Variants in NUDCD3 observed in about 807,000 individuals in gnomAD.
NUDCD3 encodes the protein nudC domain-containing protein 3.
A neutral mutation model predicts 39.7 loss-of-function variants in NUDCD3; 13 were observed. The ratio of observed to expected loss-of-function variants is 0.33; its 90% CI spans 0.21 to 0.52. The LOEUF (loss-of-function observed/expected upper bound fraction) is 0.52. NUDCD3 is among the 20% of genes least tolerant of loss of function. The probability of loss-of-function intolerance (pLI) is 0.96; values close to 1 mark genes in which losing one functional copy is unlikely to be tolerated. For synonymous variants in NUDCD3, 175 were observed against 172.4 expected, an observed-to-expected ratio of 1.02 and a Z score of -0.12; for missense variants, 453 against 458.1, an observed-to-expected ratio of 0.99 and a Z score of 0.10.
At chr7:44,451,888 AAAAAC>A (rs1388275308) in intron 2 of NUDCD3, among the ~76,000 whole-genome samples, 1 of 152,156 alleles carries the variant, frequency 6.6e-6, no homozygotes, top group African/African-American at 2.4e-5. Context: ...ACCTGAGAGA[AAAAAC>A]AAAACAAAGT....
intron 2 of NUDCD3, among the ~76,000 whole-genome samples, chr7:44,444,542 A>G (rs1432623690): frequency 6.6e-6 from 1 of 152,210 alleles, no homozygotes; most frequent in Non-Finnish European, 1.5e-5. Flanking sequence ...AGAATCTTAC[A>G]CTAAGTCCTT....
intron 3 of NUDCD3, among the ~76,000 whole-genome samples, chr7:44,416,646 C>G (rs183796457): frequency 6.6e-6 from 1 of 152,202 alleles, no homozygotes; most frequent in Non-Finnish European, 1.5e-5. Context: ...ATTAGGTCAG[C>G]GAGCATCACA....
In NUDCD3 at chr7:44,485,080, C is replaced by G; in HGVS notation, c.397G>C (p.Val133Leu). Residue 133 changes from valine (V) to leucine (L), a missense_variant, in exon 2 of 6, where the codon GTG becomes CTG. Physicochemically the swap from Val to Leu is conservative, Grantham distance 32 (BLOSUM62 1). Coordinates refer to ENST00000355451, the MANE Select transcript of NUDCD3 (RefSeq NM_015332.4). ...TCCTTCACAGGGCCTGGAGGCTGCA[C>G]TTTCTCTACTTCCTGATGCCCATCC... is the stretch of plus-strand genomic sequence containing the variant. ...ELDGHQEVEK[V>L]QPPGPVKEMA... 1 of 1,614,186 alleles carries G rather than the reference C, an allele frequency of 6.2e-7. No individual in the cohort carries two copies. The highest frequency in any genetic ancestry group is 8.5e-7 in the Non-Finnish European group (1 of 1,180,018).
intron 5 of NUDCD3, among the ~76,000 whole-genome samples, chr7:44,386,660 G>C (rs1798408105): frequency 1.3e-5 from 2 of 152,222 alleles, no homozygotes. Flanking sequence ...ATGTGGCACG[G>C]AGGAAGAAAC....
At position 44,382,540 on chromosome 7, in the gene NUDCD3, C is replaced by T. The variant is rs1798322797; in HGVS notation, c.*3471G>A. On this transcript the variant is annotated 3_prime_UTR_variant, in exon 6 of 6. Transcript: ENST00000355451. ...CAGTGGGCACTCCCCAGGGCAGCAG[C>T]CTGGTTTAAATGCCTGTTCCCCAGA... is the stretch of plus-strand genomic sequence containing the variant. 1 of 152,296 alleles carries T rather than the reference C, an allele frequency of 6.6e-6. No homozygotes were observed. Among genetic ancestry groups the T allele is most frequent in the South Asian group, 2.1e-4 (1 of 4,832 alleles). The allele number at this position is 152,296 out of a possible 1,614,324, so 9.4% of individuals were successfully genotyped here. A position where few individuals can be genotyped will look rare whatever the true frequency, so the allele number is the denominator to read the frequency against.
At chr7:44,459,336 C>CTA (rs1029186191) in intron 2 of NUDCD3, among the ~76,000 whole-genome samples, 3 of 151,760 alleles carry the variant, frequency 2.0e-5, no homozygotes, top group Admixed American at 1.3e-4. Context: ...ATAGCTGGGA[C>CTA]TATAGGCATG....
intron 2 of NUDCD3, among the ~76,000 whole-genome samples, chr7:44,441,682 C>G (rs954950502): frequency 2.0e-5 from 3 of 152,214 alleles, no homozygotes; most frequent in Admixed American, 1.3e-4. Flanking sequence ...CCGGCCCCAC[C>G]TGCCACTCAA....
rs1798297058 is a variant in NUDCD3 at position 44,381,020 on chromosome 7, G to C, written c.*4991C>G. On this transcript the variant is annotated 3_prime_UTR_variant, in exon 6 of 6. Transcript: ENST00000355451. ...CCCAGCCCAATGCCTGAGTCAGCAG[G>C]CTCCTAACAGCCTGAGTGACCTCCT... is the stretch of plus-strand genomic sequence containing the variant. 1 of 152,356 alleles carries C rather than the reference G, an allele frequency of 6.6e-6. No individual in the cohort carries two copies. Among genetic ancestry groups the C allele is most frequent in the African/African-American group, 2.4e-5 (1 of 41,478 alleles). The allele number at this position is 152,356 out of a possible 1,614,324, so 9.4% of individuals were successfully genotyped here. A position where few individuals can be genotyped will look rare whatever the true frequency, so the allele number is the denominator to read the frequency against.
rs141542760 is a variant in NUDCD3 at position 44,467,645 on chromosome 7, C to T, written c.509+17323G>A. On this transcript the variant is annotated intron_variant, in intron 2 of 5. Transcript: ENST00000355451. ...GGCTGGCAATCTTAAACCCCATTTG[C>T]CCCAAGCCCCTAAAAAAAAAAAGTA... Among the ~76,000 whole-genome samples, 9 of 151,972 alleles carry T rather than the reference C, an allele frequency of 5.9e-5. No individual in the cohort carries two copies. In the East Asian group the frequency reaches 1.7e-3, roughly 29 times the overall value.
At chr7:44,464,483 TGGA>T (rs1270445666) in intron 2 of NUDCD3, among the ~76,000 whole-genome samples, 1 of 151,922 alleles carries the variant, frequency 6.6e-6, no homozygotes, top group Non-Finnish European at 1.5e-5. Context: ...TTTTTTTTGG[TGGA>T]GTCTTGCTGT....
chr7:44,406,608 C>T (rs1371890767), intron 3 of NUDCD3, among the ~76,000 whole-genome samples: 1 of 152,212 alleles, frequency 6.6e-6, no homozygotes, highest in Admixed American at 6.5e-5. Flanking sequence ...GCTTCTCACA[C>T]TGCCTACCCA....
chr7:44,471,237 C>T (rs150433437), intron 2 of NUDCD3, among the ~76,000 whole-genome samples: 3 of 152,296 alleles, frequency 2.0e-5, no homozygotes, highest in Admixed American at 6.5e-5. Flanking sequence ...TGCATATGCA[C>T]GTCCTCATGT....
intron 2 of NUDCD3, among the ~76,000 whole-genome samples, chr7:44,461,485 G>T (rs149839788): frequency 4.2e-4 from 64 of 152,222 alleles, no homozygotes; most frequent in African/African-American, 1.5e-3. Context: ...TCTCCCTGTG[G>T]GGGGAGGCAC....
chr7:44,459,331 T>G (rs935133606), intron 2 of NUDCD3, among the ~76,000 whole-genome samples: 5 of 151,858 alleles, frequency 3.3e-5, no homozygotes, highest in Admixed American at 6.6e-5. Flanking sequence ...CCTGAATAGC[T>G]GGGACTATAG....
intron 2 of NUDCD3, among the ~76,000 whole-genome samples, chr7:44,469,115 C>CAAAAAAAAAAAAAAAAAAAA (rs756247647): frequency 3.0e-5 from 1 of 32,862 alleles, no homozygotes; most frequent in Admixed American, 4.0e-4. Flanking sequence ...ACAAACAAAC[C>CAAAAAAAAAAAAAAAAAAAA]AAAAAAAAAA....
intron 3 of NUDCD3, among the ~76,000 whole-genome samples, chr7:44,406,169 C>A (rs1798816074): frequency 1.3e-5 from 2 of 152,212 alleles, no homozygotes; most frequent in African/African-American, 4.8e-5. Flanking sequence ...CAGAAGGCTG[C>A]CCACTGGGGG....
intron 3 of NUDCD3, among the ~76,000 whole-genome samples, chr7:44,408,255 T>G (rs1478315978): frequency 1.3e-5 from 2 of 152,134 alleles, no homozygotes; most frequent in African/African-American, 4.8e-5. Context: ...ATATATCACT[T>G]TGAGAAAAAC....
chr7:44,381,259 A>G lies in NUDCD3; in HGVS notation c.*4752T>C, dbSNP rs975165801. 1.3e-5 allele frequency: 2 copies of G among 152,286 alleles called. No homozygotes were observed. Among genetic ancestry groups the G allele is most frequent in the African/African-American group, 4.8e-5 (2 of 41,452 alleles). 9.4% of individuals were successfully genotyped at this position (152,286 alleles called of 1,614,324 possible). ...GGAATGGGGCCTGCAGTGGCCCTGG[A>G]TGATTTCAGTATCTGCCACTCACCT... On this transcript the variant is annotated 3_prime_UTR_variant, in exon 6 of 6. Transcript: ENST00000355451.
intron 2 of NUDCD3, among the ~76,000 whole-genome samples, chr7:44,462,695 C>T (rs937197916): frequency 6.6e-6 from 1 of 152,206 alleles, no homozygotes; most frequent in Non-Finnish European, 1.5e-5. Context: ...CCCTGCATTA[C>T]CTTCACACAT....
Sources: allele counts gnomAD v4.1 joint callset (sites outside exome capture counted in the v4.1 genomes callset), GRCh38; gene constraint gnomAD v4.1.1; transcripts MANE v1.5; gene names NCBI Gene and HGNC (gene_info 2026-07-23, HGNC 2026-07-21).